COL23A1: variants seen among roughly 807,000 people sequenced by gnomAD.
COL23A1 encodes the protein collagen type XXIII alpha 1 chain.
COL23A1 carries 97 observed loss-of-function variants against 99.3 expected under a neutral mutation model. The observed-to-expected ratio is 0.98, with a 90% confidence interval of 0.83 to 1.16. The LOEUF (loss-of-function observed/expected upper bound fraction) is 1.16, where lower values mean the gene tolerates loss of function less well. COL23A1 is among the 50% of genes most tolerant of loss of function. The pLI, the probability that COL23A1 is intolerant of heterozygous loss-of-function variation, is 0.00. For synonymous variants in COL23A1, 320 were observed against 308.2 expected (o/e 1.04, Z -0.40); for missense variants, 762 against 757.4 (o/e 1.01, Z -0.07).
chr5:178,317,315 C>G (rs1455538098), intron 2 of COL23A1, among the ~76,000 whole-genome samples: 1 of 152,204 alleles, frequency 6.6e-6, no homozygotes, highest in Non-Finnish European at 1.5e-5. Flanking sequence ...CACTTATGCA[C>G]AAATATCCTG....
At chr5:178,469,595 C>T (rs1200246108) in intron 2 of COL23A1, among the ~76,000 whole-genome samples, 1 of 151,840 alleles carries the variant, frequency 6.6e-6, no homozygotes, top group African/African-American at 2.4e-5. Flanking sequence ...CTCGGGGGAG[C>T]TGGGCTCCCC....
At chr5:178,478,548 C>A (rs1242655314) in intron 2 of COL23A1, among the ~76,000 whole-genome samples, 2 of 152,216 alleles carry the variant, frequency 1.3e-5, no homozygotes, top group Non-Finnish European at 2.9e-5. Flanking sequence ...CTGAGGCCCA[C>A]AGTCCGGGAA....
At chr5:178,356,951 A>C (rs1305328212) in intron 2 of COL23A1, among the ~76,000 whole-genome samples, 2 of 152,212 alleles carry the variant, frequency 1.3e-5, no homozygotes, top group Non-Finnish European at 2.9e-5. Flanking sequence ...GCATAAAAAA[A>C]AGTCTAACAC....
At chr5:178,558,002 A>G (rs1236143319) in intron 2 of COL23A1, among the ~76,000 whole-genome samples, 1 of 151,518 alleles carries the variant, frequency 6.6e-6, no homozygotes, top group East Asian at 2.0e-4. Context: ...CCTCCATCAC[A>G]GCCTGGAGTT....
intron 2 of COL23A1, among the ~76,000 whole-genome samples, chr5:178,317,754 A>T (rs1366726598): frequency 6.6e-6 from 1 of 152,218 alleles, no homozygotes; most frequent in Non-Finnish European, 1.5e-5. Context: ...TAATAAAAAC[A>T]TACCTGAGAA....
chr5:178,247,665 C>G, intron 21 of COL23A1, 110 bp downstream of exon 21: 1 of 1,560,904 alleles, frequency 6.4e-7, no homozygotes, highest in African/African-American at 1.3e-5. Flanking sequence ...GTGCCCCTCC[C>G]TGAACGAAGA....
At chr5:178,467,501 C>T (rs1670667181) in intron 2 of COL23A1, among the ~76,000 whole-genome samples, 1 of 152,298 alleles carries the variant, frequency 6.6e-6, no homozygotes, top group Admixed American at 6.5e-5. Flanking sequence ...GCAATCTGTG[C>T]TCTAATAGCT....
chr5:178,506,547 G>T (rs928151375), intron 2 of COL23A1, among the ~76,000 whole-genome samples: 19 of 152,198 alleles, frequency 1.2e-4, no homozygotes, highest in Non-Finnish European at 4.4e-5. Flanking sequence ...GGGAAGTAGG[G>T]TCTGGATGGG....
chr5:178,586,360 T>A (rs1764006578), intron 1 of COL23A1, among the ~76,000 whole-genome samples: 1 of 152,180 alleles, frequency 6.6e-6, no homozygotes, highest in Non-Finnish European at 1.5e-5. Flanking sequence ...TGGTAAATGG[T>A]GGGACCAGGC....
At chr5:178,389,971 C>T (rs1581288363) in intron 2 of COL23A1, among the ~76,000 whole-genome samples, 1 of 152,194 alleles carries the variant, frequency 6.6e-6, no homozygotes, top group East Asian at 1.9e-4. Context: ...GAAAGACGCT[C>T]GGCGGCAGGA....
At chr5:178,446,137 C>T (rs184143281) in intron 2 of COL23A1, among the ~76,000 whole-genome samples, 11 of 151,944 alleles carry the variant, frequency 7.2e-5, no homozygotes, top group East Asian at 1.9e-4. Context: ...AGTACAGGGG[C>T]GTTCTTAAAT....
chr5:178,463,280 A>G (rs1160484662), intron 2 of COL23A1, among the ~76,000 whole-genome samples: 1 of 152,222 alleles, frequency 6.6e-6, no homozygotes, highest in Non-Finnish European at 1.5e-5. Context: ...ATAAATAAGC[A>G]TTTTTGAATT....
intron 2 of COL23A1, among the ~76,000 whole-genome samples, chr5:178,326,813 G>C (rs1037610611): frequency 6.6e-6 from 1 of 152,196 alleles, no homozygotes; most frequent in Non-Finnish European, 1.5e-5. Flanking sequence ...TCTGCCTCCT[G>C]GGTTCAAGCA....
intron 2 of COL23A1, among the ~76,000 whole-genome samples, chr5:178,435,449 G>A (rs1260008632): frequency 6.6e-6 from 1 of 152,156 alleles, no homozygotes; most frequent in Non-Finnish European, 1.5e-5. Context: ...GCGGAGCCCT[G>A]AGCTGGGCAC....
In COL23A1 at chr5:178,590,045, G is replaced by A. The variant is rs1167506221; in HGVS notation, c.153C>T (p.Cys51=). 8 of 1,349,088 alleles carry A rather than the reference G, an allele frequency of 5.9e-6. No homozygotes were observed. Among genetic ancestry groups the A allele is most frequent in the Non-Finnish European group, 6.7e-6 (7 of 1,046,884 alleles). The allele number at this position is 1,349,088 out of a possible 1,614,324, so 83.6% of individuals were successfully genotyped here. A position where few individuals can be genotyped will look rare whatever the true frequency, so the allele number is the denominator to read the frequency against. ...CGGCCGCCTGGACACCCAGCAGCAGGCAGGCAGCCGCCGAGCCCACGGAGA... is the reference window on the plus strand; with the variant it reads ...CGGCCGCCTGGACACCCAGCAGCAGACAGGCAGCCGCCGAGCCCACGGAGA... ...LLLSVGSAAA[C]LLLGVQAAAL... The change falls in exon 1 of 29, where the codon TGC becomes TGT. Residue 51 remains cysteine (C), a synonymous_variant. Coordinates refer to ENST00000390654, the MANE Select transcript of COL23A1 (RefSeq NM_173465.4). The surrounding 1 kb of genome is among the most constrained non-coding windows in gnomAD (Gnocchi z 5.7).
intron 2 of COL23A1, among the ~76,000 whole-genome samples, chr5:178,464,124 T>C (rs1756283654): frequency 6.6e-6 from 1 of 152,192 alleles, no homozygotes; most frequent in African/African-American, 2.4e-5. Context: ...ATTAAGTGCA[T>C]CCGCGATACC....
At chr5:178,583,380 T>G (rs1335054958) in intron 1 of COL23A1, among the ~76,000 whole-genome samples, 1 of 152,210 alleles carries the variant, frequency 6.6e-6, no homozygotes, top group Admixed American at 6.5e-5. Flanking sequence ...TTTGCCGGCC[T>G]CATGTCCTCT....
chr5:178,278,958 C>T (rs950988385), intron 5 of COL23A1, among the ~76,000 whole-genome samples: 18 of 152,200 alleles, frequency 1.2e-4, no homozygotes, highest in Non-Finnish European at 2.4e-4. Context: ...AATGTGGGCC[C>T]TTCCCTCCCT....
At position 178,562,726 on chromosome 5, in the gene COL23A1, T is replaced by C. The variant is rs1362462426; in HGVS notation, c.295-1978A>G. The C allele has an allele frequency of 3.0e-5, 3 of 98,550 alleles. No homozygotes were observed. The South Asian group carries it at 9.8e-4, about 32-fold the overall frequency. The allele number at this position is 98,550 out of a possible 1,614,324, so 6.1% of individuals were successfully genotyped here. A position where few individuals can be genotyped will look rare whatever the true frequency, so the allele number is the denominator to read the frequency against. On this transcript the variant is annotated intron_variant, in intron 1 of 28. Transcript: ENST00000390654. ...AGGGACCCACGCAGGTTGCTGCCGCTGGCTGGTGGTGGGGGGGGTGCGGGC... is the reference window on the plus strand; with the variant it reads ...AGGGACCCACGCAGGTTGCTGCCGCCGGCTGGTGGTGGGGGGGGTGCGGGC...
Sources: gnomAD v4.1 joint callset for allele counts (sites outside exome capture counted in the v4.1 genomes callset) on GRCh38, gnomAD v4.1.1 for gene constraint, Gnocchi (gnomAD v3.1) non-coding constraint, MANE v1.5 for transcripts, NCBI Gene and HGNC (gene_info 2026-07-23, HGNC 2026-07-21) for gene names.